C12orf42: variants seen among roughly 807,000 people sequenced by gnomAD.
C12orf42 encodes chromosome 12 open reading frame 42.
C12orf42 carries 25 observed loss-of-function variants against 21.6 expected under a neutral mutation model. The ratio of observed to expected loss-of-function variants is 1.16; its 90% CI spans 0.84 to 1.62. C12orf42 has a LOEUF of 1.62. C12orf42 is among the 40% of genes most tolerant of loss of function. The probability of loss-of-function intolerance (pLI) is 0.00; values close to 1 mark genes in which losing one functional copy is unlikely to be tolerated. For synonymous variants in C12orf42, 174 were observed against 175.0 expected (o/e 0.99, Z 0.05); for missense variants, 483 against 459.3 (o/e 1.05, Z -0.47).
At chr12:103,241,120 T>C (rs2033716069) in intron 10 of C12orf42, among the ~76,000 whole-genome samples, 1 of 152,092 alleles carries the variant, frequency 6.6e-6, no homozygotes, top group African/African-American at 2.4e-5. Context: ...TAAAAACCAT[T>C]TGGTCTCAAA....
chr12:103,316,984 C>G (rs1430725661), intron 4 of C12orf42, among the ~76,000 whole-genome samples: 1 of 152,248 alleles, frequency 6.6e-6, no homozygotes, highest in East Asian at 1.9e-4. Context: ...CCACATTGCT[C>G]AGTTTATCAA....
chr12:103,050,595 C>T, the C12orf42 span, among the ~76,000 whole-genome samples: 2 of 152,076 alleles, frequency 1.3e-5, no homozygotes, highest in East Asian at 1.9e-4. Flanking sequence ...TATGGTACAA[C>T]CAGCAGAGTC....
At chr12:103,459,757 G>C (rs1952562304) in intron 2 of C12orf42, among the ~76,000 whole-genome samples, 1 of 152,178 alleles carries the variant, frequency 6.6e-6, no homozygotes, top group African/African-American at 2.4e-5. Context: ...CTTAGATAAA[G>C]CCAAACTGCA....
At chr12:103,284,457 G>A (rs1490431597) in intron 4 of C12orf42, among the ~76,000 whole-genome samples, 1 of 152,132 alleles carries the variant, frequency 6.6e-6, no homozygotes, top group Non-Finnish European at 1.5e-5. Context: ...TCTGCCCACA[G>A]GTAGCTCTCT....
At chr12:103,228,699 A>G in the C12orf42 span, among the ~76,000 whole-genome samples, 58 of 151,832 alleles carry the variant, frequency 3.8e-4, no homozygotes, top group African/African-American at 1.4e-3. Context: ...AAATTTACAT[A>G]TTTCCCTTGT....
chr12:103,490,463 G>A (rs903752498), intron 1 of C12orf42, among the ~76,000 whole-genome samples: 1 of 151,816 alleles, frequency 6.6e-6, no homozygotes, highest in Non-Finnish European at 1.5e-5. Flanking sequence ...TATTTATTTG[G>A]TATTGAATCA....
chr12:103,349,410 T>A (rs2042918504), intron 4 of C12orf42: 2 of 152,142 alleles, frequency 1.3e-5, no homozygotes, highest in South Asian at 4.1e-4. Flanking sequence ...AGTTCCCTGT[T>A]GAAAACATAG....
the C12orf42 span, among the ~76,000 whole-genome samples, chr12:103,203,897 G>T: frequency 2.0e-5 from 3 of 152,288 alleles, no homozygotes; most frequent in South Asian, 4.1e-4. Flanking sequence ...AAGATGTAAA[G>T]GAGAAGAGCA....
At chr12:103,062,237 ATTTC>A in the C12orf42 span, among the ~76,000 whole-genome samples, 1 of 149,720 alleles carries the variant, frequency 6.7e-6, no homozygotes, top group Non-Finnish European at 1.5e-5. Context: ...TTCCCTTTCT[ATTTC>A]TTTCTTTCTG....
At chr12:103,183,964 T>A in the C12orf42 span, among the ~76,000 whole-genome samples, 2 of 152,226 alleles carry the variant, frequency 1.3e-5, no homozygotes, top group African/African-American at 4.8e-5. Flanking sequence ...TTTGTTGAAG[T>A]TTGTCTTATG....
chr12:103,335,641 G>A (rs1437809137), intron 4 of C12orf42, among the ~76,000 whole-genome samples: 1 of 152,164 alleles, frequency 6.6e-6, no homozygotes, highest in Non-Finnish European at 1.5e-5. Context: ...GAGAAAAAGA[G>A]ACAGGCAATT....
In C12orf42 at chr12:103,302,172, C is replaced by A. The variant is rs372125844; in HGVS notation, c.1019G>T (p.Arg340Leu). The part of the protein sequence containing the change: ...VCSSAPPRPT[R>L]RFHTVCSQAL... Reference sequence around the variant, plus strand: ...CTGTGAACAAACCGTATGGAAACGCCGGGTTGGGCGGGGGGGTGCTGAGGA... The same window carrying A: ...CTGTGAACAAACCGTATGGAAACGCAGGGTTGGGCGGGGGGGTGCTGAGGA... The change falls in exon 6 of 6, where the codon CGG (arginine) becomes CTG (leucine). Residue 340 changes from arginine to leucine, a missense_variant. Transcript: ENST00000548883. The A allele has an allele frequency of 2.9e-6, 4 of 1,356,082 alleles. No homozygotes were observed. 84.0% of individuals were successfully genotyped at this position (1,356,082 alleles called of 1,614,324 possible). A position where few individuals can be genotyped will look rare whatever the true frequency, so the allele number is the denominator to read the frequency against.
At chr12:103,082,330 G>T in the C12orf42 span, among the ~76,000 whole-genome samples, 2 of 152,166 alleles carry the variant, frequency 1.3e-5, no homozygotes, top group South Asian at 4.1e-4. Flanking sequence ...AACCAGGACA[G>T]TTCTGGGAAA....
chr12:103,544,135 G>A, the C12orf42 span, among the ~76,000 whole-genome samples: 88 of 152,014 alleles, frequency 5.8e-4, no homozygotes, highest in African/African-American at 1.9e-3. Flanking sequence ...CACCCACCTC[G>A]GCCTCCCAAA....
At chr12:103,127,747 T>G in the C12orf42 span, among the ~76,000 whole-genome samples, 1 of 152,192 alleles carries the variant, frequency 6.6e-6, no homozygotes, top group Non-Finnish European at 1.5e-5. Flanking sequence ...CATAATTATC[T>G]GGACCAAAAT....
intron 10 of C12orf42, among the ~76,000 whole-genome samples, chr12:103,258,301 T>C (rs2034713755): frequency 6.6e-6 from 1 of 152,208 alleles, no homozygotes; most frequent in African/African-American, 2.4e-5. Flanking sequence ...TGTGATCATA[T>C]AGATATCGTA....
At chr12:103,290,427 ACT>A (rs1758959769) in intron 4 of C12orf42, among the ~76,000 whole-genome samples, 2 of 152,212 alleles carry the variant, frequency 1.3e-5, no homozygotes, top group Non-Finnish European at 2.9e-5. Context: ...TGAAGATGAC[ACT>A]CAAAAGAGGT....
chr12:103,256,179 T>C (rs11613083), intron 10 of C12orf42, among the ~76,000 whole-genome samples: 2 of 128,604 alleles, frequency 1.6e-5, no homozygotes, highest in Admixed American at 1.7e-4. Flanking sequence ...CACATATATA[T>C]ACATATATAT....
chr12:103,172,749 T>C, the C12orf42 span, among the ~76,000 whole-genome samples: 1 of 152,164 alleles, frequency 6.6e-6, no homozygotes, highest in Admixed American at 6.6e-5. Context: ...CAGTTTCAGA[T>C]GTTTTTCCTG....
Sources: gnomAD v4.1 joint callset for allele counts (sites outside exome capture counted in the v4.1 genomes callset) on GRCh38, gnomAD v4.1.1 for gene constraint, MANE v1.5 for transcripts, NCBI Gene and HGNC (gene_info 2026-07-23, HGNC 2026-07-21) for gene names.